The following TBCE variants were observed in gnomAD, a reference collection of about 807,000 sequenced individuals.
TBCE encodes tubulin-specific chaperone E.
A neutral mutation model predicts 77.0 loss-of-function variants in TBCE; 53 were observed. That is an observed-to-expected ratio of 0.69 (90% CI 0.55 to 0.87). TBCE has a LOEUF of 0.87. TBCE is among the 40% of genes least tolerant of loss of function. The pLI, the probability that TBCE is intolerant of heterozygous loss-of-function variation, is 0.00. For synonymous variants in TBCE, 235 were observed against 241.3 expected (o/e 0.97, Z 0.24); for missense variants, 624 against 622.4 (o/e 1.00, Z -0.03).
intron 4 of TBCE, among the ~76,000 whole-genome samples, chr1:235,417,432 A>G (rs915839119): frequency 2.5e-4 from 38 of 152,360 alleles, no homozygotes; most frequent in Admixed American, 1.4e-3. Flanking sequence ...ATGTACATCT[A>G]TCATGCATCA....
Position 235,448,727 on chromosome 1 carries a change from G to A in TBCE, c.1549G>A (p.Val517Met), listed in dbSNP as rs1165259548. The change falls in exon 17 of 17, where the codon GTG becomes ATG. Residue 517 changes from valine (V) to methionine (M), a missense_variant. Transcript: ENST00000642610. ...NDLKSLQFYSVENGDCLLVRW is the reference protein window; with the variant it reads ...NDLKSLQFYSMENGDCLLVRW ...CCTAAAGTCATTACAGTTTTATTCT[G>A]TGGAAAATGGAGATTGTCTATTAGT... The A allele has an allele frequency of 6.2e-7, 1 of 1,614,058 alleles. No homozygotes were observed. Among genetic ancestry groups the A allele is most frequent in the South Asian group, 1.1e-5 (1 of 91,082 alleles).
intron 3 of TBCE, among the ~76,000 whole-genome samples, chr1:235,412,141 C>T (rs116306996): frequency 0.15 from 985 of 6,604 alleles, 171 homozygotes; most frequent in African/African-American, 0.29. Context: ...TTCTCCTCCC[C>T]TTCCCCTCCC....
intron 13 of TBCE, among the ~76,000 whole-genome samples, chr1:235,440,233 G>GT (rs1358152157): frequency 3.3e-5 from 5 of 152,188 alleles, no homozygotes; most frequent in African/African-American, 4.8e-5. Context: ...GCCTCCCAGA[G>GT]TGCTGGGATT....
chr1:235,386,454 G>T lies in TBCE; in HGVS notation c.100+6305G>T, dbSNP rs559875330. Among the ~76,000 whole-genome samples the T allele has an allele frequency of 6.9e-4, 105 of 151,726 alleles. No individual in the cohort carries two copies. In the South Asian group the frequency reaches 8.2e-3, roughly 12 times the overall value. On this transcript the variant is annotated intron_variant, in intron 2 of 16. Coordinates refer to ENST00000642610, the MANE Select transcript of TBCE (RefSeq NM_003193.5). ...GGTACACCAATCAGACGTAGATTTG[G>T]TTTTTTCACATAGTCCCATATTTCT...
intron 3 of TBCE, among the ~76,000 whole-genome samples, chr1:235,404,290 AATT>A (rs911865902): frequency 1.5e-3 from 64 of 42,770 alleles, no homozygotes; most frequent in East Asian, 8.9e-3. Context: ...AAAAAAAAAA[AATT>A]AAGCAGTGTG....
chr1:235,403,650 T>G (rs1165559931), intron 3 of TBCE, among the ~76,000 whole-genome samples: 1 of 152,142 alleles, frequency 6.6e-6, no homozygotes, highest in Non-Finnish European at 1.5e-5. Flanking sequence ...AGCAGAAAAA[T>G]CAAGAATTGC....
chr1:235,448,220 C>CCAAAA, intron 15 of TBCE, 129 bp from the exon 16 acceptor site: 1 of 527,200 alleles, frequency 1.9e-6, no homozygotes, highest in African/African-American at 3.2e-5. Context: ...AAGTCAGTCT[C>CCAAAA]AAAAAAAAAA....
chr1:235,448,182 A>C (rs1037347990), intron 15 of TBCE, among the ~76,000 whole-genome samples, 167 bp from the exon 16 acceptor site: 2 of 149,878 alleles, frequency 1.3e-5, no homozygotes, highest in Non-Finnish European at 3.0e-5. Context: ...CCTGGGCGAC[A>C]GAGCAAGACT....
At chr1:235,434,352 A>T in intron 8 of TBCE, 72 bp downstream of exon 8, 3 of 1,306,882 alleles carry the variant, frequency 2.3e-6, no homozygotes, top group Non-Finnish European at 3.3e-6. Context: ...GGTCTCAATT[A>T]TATCTAACCT....
At chr1:235,392,243 T>C (rs1407981085) in intron 2 of TBCE, among the ~76,000 whole-genome samples, 4 of 151,866 alleles carry the variant, frequency 2.6e-5, no homozygotes, top group South Asian at 2.1e-4. Flanking sequence ...TAGCCCCAGC[T>C]ACTTGGGAAG....
intron 13 of TBCE, chr1:235,440,839 G>T (rs1381475551): frequency 1.3e-5 from 2 of 152,228 alleles, no homozygotes; most frequent in African/African-American, 2.4e-5. Flanking sequence ...AAATCCTCCA[G>T]CCTGGTTCTT....
chr1:235,380,164 TGTGTGTGTGTGTG>T lies in TBCE; in HGVS notation c.100+16_100+28del. The T allele has an allele frequency of 3.5e-4, 10 of 28,836 alleles. No individual in the cohort carries two copies. Among genetic ancestry groups the T allele is most frequent in the South Asian group, 5.7e-4 (1 of 1,766 alleles). 1.8% of individuals were successfully genotyped at this position (28,836 alleles called of 1,614,324 possible). A position where few individuals can be genotyped will look rare whatever the true frequency, so the allele number is the denominator to read the frequency against. On this transcript the variant is annotated intron_variant, in intron 2 of 16. Coordinates refer to ENST00000642610, the MANE Select transcript of TBCE (RefSeq NM_003193.5). ...TCCCGTGGCAGGTAAGCAATTATTG[TGTGTGTGTGTGTG>T]TGTGTGTGTGTGTGTGTGTGTGTGT...
chr1:235,380,428 C>T (rs1677564746), intron 2 of TBCE, among the ~76,000 whole-genome samples: 1 of 152,078 alleles, frequency 6.6e-6, no homozygotes. Context: ...TCTGAGGAAA[C>T]TATAAACAGC....
rs1682829715 is a variant in TBCE, at chr1:235,450,440, T to G, written c.*1678T>G. ...CAGCTTTTATGTATTCTAATGATGC[T>G]GAAATTATTTCAAGGATAACTCCGT... On this transcript the variant is annotated 3_prime_UTR_variant, in exon 17 of 17. Coordinates refer to ENST00000642610, the MANE Select transcript of TBCE (RefSeq NM_003193.5). 1 of 1,382,688 alleles carries G rather than the reference T, an allele frequency of 7.2e-7. No individual in the cohort carries two copies. Among genetic ancestry groups the G allele is most frequent in the Non-Finnish European group, 1.0e-6 (1 of 1,002,110 alleles). The allele number at this position is 1,382,688 out of a possible 1,614,324, so 85.7% of individuals were successfully genotyped here.
At chr1:235,415,072 A>G (rs1680035390) in intron 4 of TBCE, 1 of 228,780 alleles carries the variant, frequency 4.4e-6, no homozygotes, top group Non-Finnish European at 8.8e-6. Context: ...GCTGTGGAAC[A>G]TGCGGCATCC....
chr1:235,443,267 A>G (rs886275544), intron 15 of TBCE, among the ~76,000 whole-genome samples: 3 of 151,544 alleles, frequency 2.0e-5, no homozygotes, highest in Non-Finnish European at 2.9e-5. Context: ...AGTGGCACCA[A>G]CTCAGCTCAC....
intron 15 of TBCE, among the ~76,000 whole-genome samples, chr1:235,443,181 C>CAT (rs777172312): frequency 2.3e-5 from 3 of 132,336 alleles, no homozygotes; most frequent in South Asian, 2.4e-4. Context: ...CACACACACA[C>CAT]ACACATATAT....
chr1:235,398,651 C>T (rs1678895098), intron 2 of TBCE, among the ~76,000 whole-genome samples: 2 of 145,108 alleles, frequency 1.4e-5, no homozygotes, highest in South Asian at 2.2e-4. Context: ...CAAGGTCTTA[C>T]TCCATTGCTC....
rs1221078836 is a variant in TBCE at position 235,436,453 on chromosome 1, A to G, written c.898+3A>G. On this transcript the variant is annotated splice_donor_region_variant and intron_variant, in intron 10 of 16. Transcript: ENST00000642610. ...ACATTTTCCGGATGCTGGAATTGGTATATAAGATTAGTAAAGTTCCCCACT... is the reference window on the plus strand; with the variant it reads ...ACATTTTCCGGATGCTGGAATTGGTGTATAAGATTAGTAAAGTTCCCCACT... 6.2e-7 allele frequency: 1 copy of G among 1,613,762 alleles called. No homozygotes were observed. The highest frequency in any genetic ancestry group is 8.5e-7 in the Non-Finnish European group (1 of 1,179,676).
Sources: gnomAD v4.1 joint callset for allele counts (sites outside exome capture counted in the v4.1 genomes callset) on GRCh38, gnomAD v4.1.1 for gene constraint, MANE v1.5 for transcripts, NCBI Gene and HGNC (gene_info 2026-07-23, HGNC 2026-07-21) for gene names.